The following PCDHA5 variants were observed in gnomAD, a reference collection of about 807,000 sequenced individuals.
The protein encoded by PCDHA5 is protocadherin alpha 5, also known as protocadherin alpha-5.
A neutral mutation model predicts 61.6 loss-of-function variants in PCDHA5; 43 were observed. The observed-to-expected ratio is 0.70, with a 90% CI of 0.55 to 0.90. PCDHA5 has a LOEUF of 0.90. Ranked by LOEUF, PCDHA5 falls within the 40% of genes least tolerant of loss-of-function variation. PCDHA5 has a pLI of 0.00. For missense variants in PCDHA5, 1,298 were observed against 1,222.7 expected, an observed-to-expected ratio of 1.06 and a Z score of -0.92; for synonymous variants, 627 against 543.9, an observed-to-expected ratio of 1.15 and a Z score of -2.13.
intron 1 of PCDHA5, chr5:140,929,215 T>C (rs1554206842): frequency 1.2e-6 from 2 of 1,613,934 alleles, no homozygotes; most frequent in East Asian, 2.2e-5. Context: ...GCGTGGGGAG[T>C]ACAATGCTGC....
intron 1 of PCDHA5, chr5:140,831,134 T>C (rs1466835760): frequency 1.3e-5 from 2 of 152,216 alleles, no homozygotes; most frequent in Non-Finnish European, 2.9e-5. Context: ...TTATGGTTAT[T>C]GATTTATTTA....
intron 1 of PCDHA5, among the ~76,000 whole-genome samples, chr5:140,875,029 T>C (rs1288139866): frequency 6.6e-6 from 1 of 152,256 alleles, no homozygotes; most frequent in Non-Finnish European, 1.5e-5. Flanking sequence ...TGGCCTACTG[T>C]ATTTGAAAGA....
At chr5:140,968,598 A>G in intron 1 of PCDHA5, 2 of 1,614,102 alleles carry the variant, frequency 1.2e-6, no homozygotes, top group Non-Finnish European at 1.7e-6. Flanking sequence ...ATAGCTATGG[A>G]CTCAGACTCT....
In PCDHA5 at chr5:140,857,261, T is replaced by C. The variant is rs145652579; in HGVS notation, c.2352+33134T>C. The C allele has an allele frequency of 4.9e-5, 79 of 1,598,562 alleles. 6 individuals carry two copies. The African/African-American group carries it at 9.1e-4, about 18-fold the overall frequency. On this transcript the variant is annotated intron_variant, in intron 1 of 3. Coordinates refer to ENST00000529859, the MANE Select transcript of PCDHA5 (RefSeq NM_018908.3). ...GGTGTCCACCTACAAGAATTACTACTCATTGGTGCTGGACAGCGCTCTGGA... is the reference window on the plus strand; with the variant it reads ...GGTGTCCACCTACAAGAATTACTACCCATTGGTGCTGGACAGCGCTCTGGA...
At chr5:140,954,135 T>C (rs1281133424) in intron 1 of PCDHA5, among the ~76,000 whole-genome samples, 1 of 152,220 alleles carries the variant, frequency 6.6e-6, no homozygotes, top group Non-Finnish European at 1.5e-5. Context: ...TATGGATGCA[T>C]AGTATTCCAT....
chr5:140,877,090 G>T lies in PCDHA5; in HGVS notation c.2352+52963G>T, dbSNP rs201209762. ...GCAGTTCCAGGTGAGCGCGCGCGAC[G>T]CCGGCGTGCCGCCTCTGGGCAGCAA... is the stretch of plus-strand genomic sequence containing the variant. On this transcript the variant is annotated intron_variant, in intron 1 of 3. Coordinates refer to ENST00000529859, the MANE Select transcript of PCDHA5 (RefSeq NM_018908.3). 4,655 of 1,613,184 alleles carry T rather than the reference G, an allele frequency of 2.9e-3. 21 individuals are homozygous for T. Among genetic ancestry groups the T allele is most frequent in the African/African-American group, 0.01 (785 of 75,036 alleles).
intron 1 of PCDHA5, among the ~76,000 whole-genome samples, chr5:140,873,602 C>T (rs1554166789): frequency 6.6e-6 from 1 of 152,118 alleles, no homozygotes; most frequent in African/African-American, 2.4e-5. Flanking sequence ...TTAGATGTTC[C>T]TATTGGCTTA....
intron 1 of PCDHA5, chr5:140,927,314 C>G: frequency 6.2e-7 from 1 of 1,614,194 alleles, no homozygotes; most frequent in East Asian, 2.2e-5. Flanking sequence ...ACGCCCGGAG[C>G]CCGCTTTACT....
intron 1 of PCDHA5, among the ~76,000 whole-genome samples, chr5:140,947,108 T>G (rs1419361342): frequency 6.6e-6 from 1 of 151,486 alleles, no homozygotes; most frequent in East Asian, 1.9e-4. Context: ...AATAGGTACG[T>G]GTCAATTAAA....
At chr5:140,854,866 A>G (rs1479587477) in intron 1 of PCDHA5, among the ~76,000 whole-genome samples, 3 of 149,974 alleles carry the variant, frequency 2.0e-5, no homozygotes, top group Non-Finnish European at 4.5e-5. Context: ...GATATATTTC[A>G]GAACTGTGTC....
rs2150329833 is a variant in PCDHA5, at chr5:140,842,126, C to A, written c.2352+17999C>A. The A allele has an allele frequency of 5.7e-5, 92 of 1,613,822 alleles. 1 individual carries two copies. The East Asian group carries it at 1.8e-3, about 32-fold the overall frequency. ...AGTTATCAAACTGAATGCTTCTGAT[C>A]CGGATGAAGGAGCCAATGGGGCAAT... On this transcript the variant is annotated intron_variant, in intron 1 of 3. Transcript: ENST00000529859.
chr5:140,836,400 G>T, intron 1 of PCDHA5: 1 of 1,613,760 alleles, frequency 6.2e-7, no homozygotes, highest in Non-Finnish European at 8.5e-7. Context: ...GGTGGAAAGC[G>T]GCCAGGCACC....
Position 140,823,232 on chromosome 5 carries a change from A to G in PCDHA5, c.1457A>G (p.Asn486Ser). ...GCACGGGACGCGGACGCGCAGGAGA[A>G]CGCCCTGGTGTCCTACTCGCTGGTG... is the stretch of plus-strand genomic sequence containing the variant. ...VSARDADAQE[N>S]ALVSYSLVER... The change falls in exon 1 of 4, where the codon AAC (asparagine) becomes AGC (serine). Residue 486 changes from asparagine (N) to serine (S), a missense_variant. Transcript: ENST00000529859. The G allele has an allele frequency of 6.2e-7, 1 of 1,613,580 alleles. No homozygotes were observed. Among genetic ancestry groups the G allele is most frequent in the Admixed American group, 1.7e-5 (1 of 60,028 alleles).
intron 1 of PCDHA5, among the ~76,000 whole-genome samples, chr5:140,891,044 C>G (rs1167178710): frequency 6.6e-6 from 1 of 152,030 alleles, no homozygotes; most frequent in Non-Finnish European, 1.5e-5. Flanking sequence ...GTGTGACCCC[C>G]ACAGCACATA....
At chr5:140,938,805 A>G (rs367644327) in intron 1 of PCDHA5, among the ~76,000 whole-genome samples, 3 of 152,162 alleles carry the variant, frequency 2.0e-5, no homozygotes, top group East Asian at 3.9e-4. Context: ...TCGGTACCAC[A>G]AACCCCTGTG....
intron 1 of PCDHA5, among the ~76,000 whole-genome samples, chr5:140,945,070 C>T (rs2093734077): frequency 6.6e-6 from 1 of 151,960 alleles, no homozygotes; most frequent in African/African-American, 2.4e-5. Context: ...ACAGACTCCA[C>T]CAAAACACTC....
intron 1 of PCDHA5, chr5:140,875,367 T>G: frequency 6.9e-7 from 1 of 1,449,166 alleles, no homozygotes; most frequent in Non-Finnish European, 9.1e-7. Flanking sequence ...CTGGAAAAAA[T>G]TTACTAAATA....
chr5:140,884,428 G>T, intron 1 of PCDHA5: 1 of 1,613,962 alleles, frequency 6.2e-7, no homozygotes, highest in East Asian at 2.2e-5. Flanking sequence ...TGTATACTGC[G>T]CTGCGGTGCT....
chr5:140,824,282 T>C, intron 1 of PCDHA5, 155 bp downstream of exon 1: 1 of 1,076,050 alleles, frequency 9.3e-7, no homozygotes, highest in Non-Finnish European at 1.4e-6. Context: ...ATATGCTTTT[T>C]ATGAGGCTTT....
Sources: gnomAD v4.1 joint callset for allele counts (sites outside exome capture counted in the v4.1 genomes callset) on GRCh38, gnomAD v4.1.1 for gene constraint, MANE v1.5 for transcripts, NCBI Gene and HGNC (gene_info 2026-07-23, HGNC 2026-07-21) for gene names.